NCS1: variants seen among roughly 807,000 people sequenced by gnomAD.
The protein encoded by NCS1 is neuronal calcium sensor 1.
A neutral mutation model predicts 28.4 loss-of-function variants in NCS1; 6 were observed. The observed-to-expected ratio is 0.21, with a 90% CI of 0.12 to 0.42. The LOEUF (loss-of-function observed/expected upper bound fraction) is 0.42, where lower values mean the gene tolerates loss of function less well. Among genes scored for constraint, NCS1 ranks in the 10% least tolerant of loss-of-function variants. The pLI is 1.00. For synonymous variants in NCS1, 86 were observed against 99.3 expected, an observed-to-expected ratio of 0.87 and a Z score of 0.79; for missense variants, 131 against 241.4, an observed-to-expected ratio of 0.54 and a Z score of 3.03.
At position 130,175,406 on chromosome 9, in the gene NCS1, A is replaced by C. The variant is rs1423748789; in HGVS notation, c.64+2679A>C. Among the ~76,000 whole-genome samples, 1 of 152,156 alleles carries C rather than the reference A, an allele frequency of 6.6e-6. No individual in the cohort carries two copies. The highest frequency in any genetic ancestry group is 1.5e-5 in the Non-Finnish European group (1 of 68,020). On this transcript the variant is annotated intron_variant, in intron 1 of 7. Coordinates refer to ENST00000372398, the MANE Select transcript of NCS1 (RefSeq NM_014286.4). This position sits in a 1 kb window ranked among gnomAD's most constrained non-coding sequence, Gnocchi z 4.9. Reference sequence around the variant, plus strand: ...AGAATCTCCTGGTTGATTAATAAACATGAAGGTACCTGGGCTGCCCTCCCG... The same window carrying C: ...AGAATCTCCTGGTTGATTAATAAACCTGAAGGTACCTGGGCTGCCCTCCCG...
chr9:130,172,791 CG>C (rs1832501986), intron 1 of NCS1, 64 bp downstream of exon 1: 4 of 920,856 alleles, frequency 4.3e-6, no homozygotes, highest in East Asian at 4.1e-5. Context: ...CCCCCGCCCC[CG>C]CCCCCCGGAC....
chr9:130,204,959 C>T (rs912285250), intron 2 of NCS1, among the ~76,000 whole-genome samples: 1 of 152,020 alleles, frequency 6.6e-6, no homozygotes, highest in Non-Finnish European at 1.5e-5. Flanking sequence ...TGCCAGGCAC[C>T]GTCCCACACC....
In NCS1 at chr9:130,191,537, G is replaced by C. The variant is rs925207067; in HGVS notation, c.65-9421G>C. Among the ~76,000 whole-genome samples the C allele has an allele frequency of 6.6e-5, 10 of 152,208 alleles. No homozygotes were observed. Among genetic ancestry groups the C allele is most frequent in the Non-Finnish European group, 8.8e-5 (6 of 68,034 alleles). ...AAGGAAGGGAAGTGGGGGCCGGTAG[G>C]GGGTGGTCAGAGCCTGGTCAGCTGG... is the stretch of plus-strand genomic sequence containing the variant. On this transcript the variant is annotated intron_variant, in intron 1 of 7. Coordinates refer to ENST00000372398, the MANE Select transcript of NCS1 (RefSeq NM_014286.4). The surrounding 1 kb of genome is among the most constrained non-coding windows in gnomAD (Gnocchi z 6.4).
Position 130,192,065 on chromosome 9 carries a change from GCCT to G in NCS1, c.65-8889_65-8887del, listed in dbSNP as rs1371676182. On this transcript the variant is annotated intron_variant, in intron 1 of 7. Coordinates refer to ENST00000372398, the MANE Select transcript of NCS1 (RefSeq NM_014286.4). The surrounding 1 kb of genome is among the most constrained non-coding windows in gnomAD (Gnocchi z 4.8). ...CCGGGAGCTCTGGGCAGCAGGCCAG[GCCT>G]CCTTTCTGGGGCAGCTCAGGCCTGG... Among the ~76,000 whole-genome samples the G allele has an allele frequency of 1.2e-4, 19 of 152,330 alleles. No individual in the cohort carries two copies. Among genetic ancestry groups the G allele is most frequent in the Admixed American group, 1.2e-3 (19 of 15,300 alleles).
chr9:130,189,871 A>T (rs1327781994), intron 1 of NCS1, among the ~76,000 whole-genome samples: 1 of 97,600 alleles, frequency 1.0e-5, no homozygotes. Context: ...AAAAAAAAAA[A>T]AAAAAAAAAT....
chr9:130,205,833 T>TAAAAAAAAAAAAAAAAAAAAAAAA (rs57877038), intron 2 of NCS1, among the ~76,000 whole-genome samples: 1 of 141,888 alleles, frequency 7.0e-6, no homozygotes. Context: ...GACCCTGTCT[T>TAAAAAAAAAAAAAAAAAAAAAAAA]AAAAAAAAAA....
intron 1 of NCS1, among the ~76,000 whole-genome samples, chr9:130,183,311 G>GC (rs1343886092): frequency 1.3e-5 from 2 of 151,994 alleles, no homozygotes; most frequent in South Asian, 2.1e-4. Context: ...GCGGCTGGGG[G>GC]GGGGAGCTCC....
At chr9:130,216,453 C>T (rs1409899360) in intron 2 of NCS1, among the ~76,000 whole-genome samples, 1 of 152,170 alleles carries the variant, frequency 6.6e-6, no homozygotes, top group Non-Finnish European at 1.5e-5. Context: ...CTGTGGCTCA[C>T]GCCTGTAATC....
At position 130,233,894 on chromosome 9, in the gene NCS1, C is replaced by T. The variant is rs1833535982; in HGVS notation, c.*922C>T. 1 of 152,148 alleles carries T rather than the reference C, an allele frequency of 6.6e-6. No individual in the cohort carries two copies. The highest frequency in any genetic ancestry group is 1.5e-5 in the Non-Finnish European group (1 of 68,064). The allele number at this position is 152,148 out of a possible 1,614,324, so 9.4% of individuals were successfully genotyped here. On this transcript the variant is annotated 3_prime_UTR_variant, in exon 8 of 8. Transcript: ENST00000372398. The surrounding 1 kb of genome is among the most constrained non-coding windows in gnomAD (Gnocchi z 4.8). ...ACTGTTCCCTCCAGCCCGAATGCCT[C>T]CTGCCAAACCCCTTTTCCCTGCTGC...
In NCS1 at chr9:130,172,661, A is replaced by C; in HGVS notation, c.-3A>C. On this transcript the variant is annotated 5_prime_UTR_variant, in exon 1 of 8. Transcript: ENST00000372398. Reference sequence around the variant, plus strand: ...GGGGGGGCGGGGGCCGCGGCCGCCGAGGATGGGGAAATCCAACAGCAAGTT... The same window carrying C: ...GGGGGGGCGGGGGCCGCGGCCGCCGCGGATGGGGAAATCCAACAGCAAGTT... 4.8e-6 allele frequency: 7 copies of C among 1,454,942 alleles called. No individual in the cohort carries two copies. The highest frequency in any genetic ancestry group is 6.4e-5 in the East Asian group (2 of 31,494). 90.1% of individuals were successfully genotyped at this position (1,454,942 alleles called of 1,614,324 possible).
At position 130,232,565 on chromosome 9, in the gene NCS1, G is replaced by C. The variant is rs766940952; in HGVS notation, c.*18-425G>C. On this transcript the variant is annotated intron_variant, in intron 7 of 7. Transcript: ENST00000372398. The surrounding 1 kb of genome is among the most constrained non-coding windows in gnomAD (Gnocchi z 4.4). ...TGGGAGGCCGAGGCGGGTCTATCATGAGGTCAGGAGTTCGAGACCAGCCTG... is the reference window on the plus strand; with the variant it reads ...TGGGAGGCCGAGGCGGGTCTATCATCAGGTCAGGAGTTCGAGACCAGCCTG... Among the ~76,000 whole-genome samples the C allele has an allele frequency of 3.4e-4, 52 of 152,092 alleles. No homozygotes were observed. Among genetic ancestry groups the C allele is most frequent in the Non-Finnish European group, 5.6e-4 (38 of 68,010 alleles).
rs541719331 is a variant in NCS1, at chr9:130,175,533, C to T, written c.64+2806C>T. ...CCTGGGGAGCCCGGATTGAAGACCA[C>T]AGTTCCAGTGTATGCTGGGGGTCCT... On this transcript the variant is annotated intron_variant, in intron 1 of 7. Coordinates refer to ENST00000372398, the MANE Select transcript of NCS1 (RefSeq NM_014286.4). This position sits in a 1 kb window ranked among gnomAD's most constrained non-coding sequence, Gnocchi z 4.9. Among the ~76,000 whole-genome samples the T allele has an allele frequency of 1.4e-4, 21 of 152,284 alleles. No individual in the cohort carries two copies. The highest frequency in any genetic ancestry group is 5.1e-4 in the African/African-American group (21 of 41,552).
intron 3 of NCS1, among the ~76,000 whole-genome samples, chr9:130,218,349 G>A (rs975370226): frequency 6.6e-6 from 1 of 152,214 alleles, no homozygotes; most frequent in Non-Finnish European, 1.5e-5. Flanking sequence ...TATTCATACA[G>A]TGCACAGAAA....
intron 6 of NCS1, among the ~76,000 whole-genome samples, chr9:130,224,973 C>CT (rs1554911204): frequency 6.6e-6 from 1 of 152,186 alleles, no homozygotes; most frequent in African/African-American, 2.4e-5. Context: ...GAGTGGATCA[C>CT]TTGAGCTCAG....
intron 1 of NCS1, among the ~76,000 whole-genome samples, chr9:130,183,542 G>A (rs1832693865): frequency 6.6e-6 from 1 of 152,182 alleles, no homozygotes; most frequent in Admixed American, 6.5e-5. Flanking sequence ...CAGGGAAGTG[G>A]GTTCAGTGTG....
intron 1 of NCS1, among the ~76,000 whole-genome samples, chr9:130,174,001 G>A (rs1009809616): frequency 6.6e-6 from 1 of 152,202 alleles, no homozygotes; most frequent in Non-Finnish European, 1.5e-5. Context: ...CTGCAGCATG[G>A]AGCTCACATC....
chr9:130,174,674 G>A (rs1274958488), intron 1 of NCS1, among the ~76,000 whole-genome samples: 3 of 151,980 alleles, frequency 2.0e-5, no homozygotes, highest in African/African-American at 4.8e-5. Context: ...AGCTGGGCAT[G>A]GTGGCACATG....
chr9:130,233,814 T>C lies in NCS1; in HGVS notation c.*842T>C, dbSNP rs1833534333. ...CAAAAAAAATTTTTTTTTTTTCAGA[T>C]ACTGTGCTTGATTTTTGGAGAGGGG... is the stretch of plus-strand genomic sequence containing the variant. On this transcript the variant is annotated 3_prime_UTR_variant, in exon 8 of 8. Transcript: ENST00000372398. This position sits in a 1 kb window ranked among gnomAD's most constrained non-coding sequence, Gnocchi z 4.8. 1 of 152,154 alleles carries C rather than the reference T, an allele frequency of 6.6e-6. No homozygotes were observed. The highest frequency in any genetic ancestry group is 1.5e-5 in the Non-Finnish European group (1 of 68,024). The allele number at this position is 152,154 out of a possible 1,614,324, so 9.4% of individuals were successfully genotyped here.
intron 2 of NCS1, among the ~76,000 whole-genome samples, chr9:130,202,956 T>A (rs1428121796): frequency 6.6e-6 from 1 of 151,664 alleles, no homozygotes; most frequent in Non-Finnish European, 1.5e-5. Context: ...AAACTGAGGT[T>A]CAGAGAAAGT....
Sources: allele counts gnomAD v4.1 joint callset (sites outside exome capture counted in the v4.1 genomes callset), GRCh38; gene constraint gnomAD v4.1.1; non-coding constraint Gnocchi (gnomAD v3.1); transcripts MANE v1.5; gene names NCBI Gene and HGNC (gene_info 2026-07-23, HGNC 2026-07-21).